The following LOXL2 variants were observed in gnomAD, a reference collection of about 807,000 sequenced individuals.
The protein encoded by LOXL2 is lysyl oxidase like 2.
LOXL2 carries 70 observed loss-of-function variants against 93.0 expected under a neutral mutation model. The ratio of observed to expected loss-of-function variants is 0.75; its 90% CI spans 0.62 to 0.92. The LOEUF is 0.92. LOXL2 is among the 40% of genes least tolerant of loss of function. The pLI is 0.00. For synonymous variants in LOXL2, 438 were observed against 413.2 expected, an observed-to-expected ratio of 1.06 and a Z score of -0.73; for missense variants, 973 against 1,054.9, an observed-to-expected ratio of 0.92 and a Z score of 1.08.
intron 1 of LOXL2, among the ~76,000 whole-genome samples, chr8:23,389,357 G>C (rs1384749980): frequency 6.6e-6 from 1 of 152,076 alleles, no homozygotes; most frequent in Non-Finnish European, 1.5e-5. Flanking sequence ...AATCCGTTTT[G>C]AATCATTTCA....
intron 6 of LOXL2, among the ~76,000 whole-genome samples, chr8:23,326,021 G>A (rs1233404205): frequency 6.6e-6 from 1 of 152,236 alleles, no homozygotes; most frequent in Non-Finnish European, 1.5e-5. Context: ...GACTCAGATT[G>A]CCCGACTCAC....
chr8:23,336,273 C>T (rs969522797), intron 4 of LOXL2: 8 of 152,536 alleles, frequency 5.2e-5, no homozygotes, highest in African/African-American at 1.7e-4. Context: ...ACAACTGTCC[C>T]CAGCAGCCCG....
chr8:23,298,039 T>G lies in LOXL2; in HGVS notation c.*4A>C, dbSNP rs757057650. On this transcript the variant is annotated 3_prime_UTR_variant, in exon 14 of 14. Coordinates refer to ENST00000389131, the MANE Select transcript of LOXL2 (RefSeq NM_002318.3). ...GAAGACAGGAGTTGACCACGCAGGC[T>G]TCTTTACTGCGGGGACAGCTGGTTG... 1 of 1,613,108 alleles carries G rather than the reference T, an allele frequency of 6.2e-7. No homozygotes were observed. Among genetic ancestry groups the G allele is most frequent in the South Asian group, 1.1e-5 (1 of 90,940 alleles).
intron 13 of LOXL2, among the ~76,000 whole-genome samples, chr8:23,298,335 C>G (rs1803073015): frequency 6.6e-6 from 1 of 152,194 alleles, no homozygotes; most frequent in Non-Finnish European, 1.5e-5. Flanking sequence ...AATATAGCGC[C>G]TTTAATTTTA....
In LOXL2 at chr8:23,375,740, C is replaced by CTG. The variant is rs1554482941; in HGVS notation, c.-83-7307_-83-7306insCA. On this transcript the variant is annotated intron_variant, in intron 1 of 13. Coordinates refer to ENST00000389131, the MANE Select transcript of LOXL2 (RefSeq NM_002318.3). ...ATGGGAGTTCACTCATGATTTGGCT[C>CTG]TCTGTTATTGGTGTGTAAGAATGCT... Among the ~76,000 whole-genome samples, 11 of 151,102 alleles carry CTG rather than the reference C, an allele frequency of 7.3e-5. 1 individual carries two copies. The South Asian group carries it at 2.1e-3, about 29-fold the overall frequency.
At position 23,368,188 on chromosome 8, in the gene LOXL2, T is replaced by G; in HGVS notation, c.164A>C (p.Lys55Thr). ...HQPQAPANVA[K>T]IQLRLAGQKR... ...CTGCCCAGCCAGGCGCAGCTGAATC[T>G]TGGCCACGTTGGCGGGGGCCTGGGG... Residue 55 changes from lysine (K) to threonine (T), a missense_variant, in exon 2 of 14, where the codon AAG (lysine) becomes ACG (threonine). By Grantham distance (78) the Lys-to-Thr change is moderately conservative. Transcript: ENST00000389131. The G allele has an allele frequency of 6.2e-7, 1 of 1,614,102 alleles. No homozygotes were observed. Among genetic ancestry groups the G allele is most frequent in the Non-Finnish European group, 8.5e-7 (1 of 1,180,034 alleles).
intron 9 of LOXL2, among the ~76,000 whole-genome samples, chr8:23,316,317 C>A (rs1469793333): frequency 6.6e-6 from 1 of 152,202 alleles, no homozygotes; most frequent in African/African-American, 2.4e-5. Context: ...TGGCCAGCAC[C>A]TGGGCCTCCC....
At chr8:23,367,228 T>C (rs929393795) in intron 2 of LOXL2, among the ~76,000 whole-genome samples, 12 of 152,128 alleles carry the variant, frequency 7.9e-5, no homozygotes, top group Non-Finnish European at 1.3e-4. Flanking sequence ...TTTGTATTTT[T>C]AGTAGAGATG....
chr8:23,318,204 G>T (rs1417867360), intron 8 of LOXL2, among the ~76,000 whole-genome samples: 5 of 149,826 alleles, frequency 3.3e-5, no homozygotes, highest in Non-Finnish European at 7.4e-5. Flanking sequence ...AAAACCTGAG[G>T]CCTCCCAAGG....
chr8:23,354,978 G>A (rs1585367156), intron 3 of LOXL2, among the ~76,000 whole-genome samples: 1 of 35,560 alleles, frequency 2.8e-5, no homozygotes, highest in East Asian at 7.2e-4. Context: ...TTTTTTTTTT[G>A]AGACAGTTTT....
At chr8:23,357,591 T>C (rs1436196047) in intron 3 of LOXL2, among the ~76,000 whole-genome samples, 1 of 152,144 alleles carries the variant, frequency 6.6e-6, no homozygotes, top group East Asian at 1.9e-4. Context: ...TAATGGCAGA[T>C]GAGCCTTCTC....
chr8:23,364,985 C>T (rs1424933701), intron 2 of LOXL2: 3 of 152,274 alleles, frequency 2.0e-5, no homozygotes, highest in Admixed American at 1.3e-4. Context: ...GAGCAACCAC[C>T]TTAGCTTCAG....
intron 1 of LOXL2, among the ~76,000 whole-genome samples, chr8:23,378,619 C>T (rs1804627620): frequency 6.6e-6 from 1 of 152,212 alleles, no homozygotes; most frequent in South Asian, 2.1e-4. Flanking sequence ...TCCCATATTT[C>T]TTGGAGGCTT....
At chr8:23,390,935 GAAGGTGAAAGGTGA>G (rs567598773) in intron 1 of LOXL2, among the ~76,000 whole-genome samples, 30 of 152,200 alleles carry the variant, frequency 2.0e-4, no homozygotes, top group Non-Finnish European at 2.6e-4. Context: ...AATCATGGTG[GAAGGTGAAAGGTGA>G]AAGGTGAAAG....
chr8:23,367,924 G>A, intron 2 of LOXL2, 73 bp downstream of exon 2: 3 of 1,258,758 alleles, frequency 2.4e-6, no homozygotes, highest in Non-Finnish European at 2.3e-6. Flanking sequence ...TCCTCTCCCA[G>A]GCTGACCTCA....
chr8:23,300,001 G>A (rs186736788), intron 12 of LOXL2, among the ~76,000 whole-genome samples: 6 of 152,308 alleles, frequency 3.9e-5, no homozygotes, highest in South Asian at 2.1e-4. Flanking sequence ...GCCCTGCTCC[G>A]GGGCGGCTTG....
chr8:23,374,262 C>T (rs901503032), intron 1 of LOXL2, among the ~76,000 whole-genome samples: 1 of 152,046 alleles, frequency 6.6e-6, no homozygotes, highest in African/African-American at 2.4e-5. Flanking sequence ...ATCCATGTCC[C>T]TAAAAAGGAC....
In LOXL2 at chr8:23,401,541, G is replaced by A. The variant is rs564004214; in HGVS notation, c.-84+2413C>T. ...TGACAGAAACAAAGGGACAGATGAC[G>A]TACATGTGGCAAAATAACTGTTGAA... On this transcript the variant is annotated intron_variant, in intron 1 of 13. Transcript: ENST00000389131. Among the ~76,000 whole-genome samples, 55 of 152,254 alleles carry A rather than the reference G, an allele frequency of 3.6e-4. 1 individual carries two copies. Among genetic ancestry groups the A allele is most frequent in the African/African-American group, 1.1e-3 (45 of 41,542 alleles).
chr8:23,320,807 G>A (rs980656425), intron 7 of LOXL2, among the ~76,000 whole-genome samples: 13 of 152,206 alleles, frequency 8.5e-5, no homozygotes, highest in South Asian at 6.2e-4. Flanking sequence ...CCCGCTACTC[G>A]GGAGGTGGGA....
Sources: allele counts gnomAD v4.1 joint callset (sites outside exome capture counted in the v4.1 genomes callset), GRCh38; gene constraint gnomAD v4.1.1; transcripts MANE v1.5; gene names NCBI Gene and HGNC (gene_info 2026-07-23, HGNC 2026-07-21).